Variants in CLIC5 observed in about 807,000 individuals in gnomAD.
CLIC5 encodes chloride intracellular channel protein 5.
Under a neutral mutation model 24.7 loss-of-function variants are expected in CLIC5, and 20 were observed. That is an observed-to-expected ratio of 0.81 (90% CI 0.57 to 1.18). CLIC5 has a LOEUF of 1.18. Ranked by LOEUF, CLIC5 falls within the 50% of genes most tolerant of loss-of-function variation. CLIC5 has a pLI of 0.00. For missense variants in CLIC5, 341 were observed against 326.1 expected (o/e 1.05, Z -0.35); for synonymous variants, 159 against 135.6 (o/e 1.17, Z -1.20).
At chr6:46,106,035 G>C in the CLIC5 span, among the ~76,000 whole-genome samples, 1 of 152,204 alleles carries the variant, frequency 6.6e-6, no homozygotes, top group African/African-American at 2.4e-5. Flanking sequence ...CAGCTTAGGG[G>C]CAATGTCTTT....
chr6:45,941,414 G>T, intron 4 of CLIC5, 133 bp downstream of exon 4: 1 of 717,306 alleles, frequency 1.4e-6, no homozygotes, highest in Non-Finnish European at 2.5e-6. Context: ...GGGGGTGGGG[G>T]CAAATAATAA....
At chr6:45,997,608 G>A (rs3777610) in intron 1 of CLIC5, among the ~76,000 whole-genome samples, 39,380 of 151,650 alleles carry the variant, frequency 0.26, 5,575 homozygotes, top group East Asian at 0.5. Flanking sequence ...CAATGAAGTA[G>A]GACGAATATC....
chr6:46,009,249 A>G (rs1213353530), intron 1 of CLIC5, among the ~76,000 whole-genome samples: 1 of 151,898 alleles, frequency 6.6e-6, no homozygotes, highest in African/African-American at 2.4e-5. Flanking sequence ...ATTTCTTTTT[A>G]CAGGGAAGAA....
rs1327956927 is a variant in CLIC5, at chr6:45,901,311, TAA to T, written c.*1775_*1776del. On this transcript the variant is annotated 3_prime_UTR_variant, in exon 6 of 6. Coordinates refer to ENST00000339561, the MANE Select transcript of CLIC5 (RefSeq NM_016929.5). ...CCTTTTCAAAGCTTTCTCAGGCTTA[TAA>T]AGTGTCCTACTGAGAAAGTTCCTCT... 6.6e-6 allele frequency: 1 copy of T among 152,188 alleles called. No individual in the cohort carries two copies. Among genetic ancestry groups the T allele is most frequent in the Non-Finnish European group, 1.5e-5 (1 of 68,012 alleles). 9.4% of individuals were successfully genotyped at this position (152,188 alleles called of 1,614,324 possible). A position where few individuals can be genotyped will look rare whatever the true frequency, so the allele number is the denominator to read the frequency against.
intron 1 of CLIC5, among the ~76,000 whole-genome samples, chr6:45,965,033 CT>C (rs1364245342): frequency 1.3e-5 from 2 of 152,160 alleles, no homozygotes; most frequent in Non-Finnish European, 2.9e-5. Context: ...AATATTATGC[CT>C]TGATGAAGAG....
Position 45,920,102 on chromosome 6 carries a change from C to A in CLIC5, c.407-5693G>T, listed in dbSNP as rs1763195932. On this transcript the variant is annotated intron_variant, in intron 4 of 5. Coordinates refer to ENST00000339561, the MANE Select transcript of CLIC5 (RefSeq NM_016929.5). ...CCCTGACAAAAGAGGATGGGGTTCC[C>A]CTCATGACTCCCCCATGCCTTACCT... 6 of 918,636 alleles carry A rather than the reference C, an allele frequency of 6.5e-6. No individual in the cohort carries two copies. The South Asian group carries it at 2.5e-4, about 39-fold the overall frequency. 56.9% of individuals were successfully genotyped at this position (918,636 alleles called of 1,614,324 possible).
intron 1 of CLIC5, among the ~76,000 whole-genome samples, chr6:45,971,532 A>G (rs907345344): frequency 3.3e-5 from 5 of 152,198 alleles, no homozygotes; most frequent in Non-Finnish European, 5.9e-5. Context: ...TTTAGAACAG[A>G]TGATGCTACG....
chr6:45,992,478 C>A (rs1471772636), intron 1 of CLIC5, among the ~76,000 whole-genome samples: 3 of 152,312 alleles, frequency 2.0e-5, no homozygotes, highest in Non-Finnish European at 2.9e-5. Context: ...CGGAGAGATT[C>A]TTTATTGAAG....
intron 1 of CLIC5, among the ~76,000 whole-genome samples, chr6:46,033,908 C>T (rs1184345261): frequency 6.6e-6 from 1 of 151,910 alleles, no homozygotes; most frequent in Non-Finnish European, 1.5e-5. Flanking sequence ...GAGTAGATGG[C>T]CAAAAAATGC....
At chr6:45,907,445 T>C (rs1015190676) in intron 5 of CLIC5, among the ~76,000 whole-genome samples, 1 of 152,200 alleles carries the variant, frequency 6.6e-6, no homozygotes. Context: ...TGTTGTGAAT[T>C]TTTTGTGTCT....
At chr6:45,937,205 T>G (rs908139337) in intron 4 of CLIC5, among the ~76,000 whole-genome samples, 4 of 152,182 alleles carry the variant, frequency 2.6e-5, no homozygotes, top group Non-Finnish European at 5.9e-5. Flanking sequence ...TTGGAAGAGC[T>G]AACTGAGGGG....
At chr6:46,068,096 T>C (rs1010126619) in intron 1 of CLIC5, among the ~76,000 whole-genome samples, 5 of 152,036 alleles carry the variant, frequency 3.3e-5, no homozygotes, top group Admixed American at 1.3e-4. Context: ...GAAGGCCATG[T>C]GATGAAGGAG....
At chr6:46,124,618 C>T in the CLIC5 span, among the ~76,000 whole-genome samples, 1 of 152,182 alleles carries the variant, frequency 6.6e-6, no homozygotes, top group Admixed American at 6.5e-5. Flanking sequence ...GCAAAAGAAA[C>T]TACCATCAGA....
intron 1 of CLIC5, among the ~76,000 whole-genome samples, chr6:46,000,941 T>C (rs933411972): frequency 2.6e-5 from 4 of 152,180 alleles, no homozygotes; most frequent in African/African-American, 9.7e-5. Flanking sequence ...GTCAACTAGG[T>C]GCATCTGATA....
downstream of CLIC5, among the ~76,000 whole-genome samples, chr6:45,897,988 G>A (rs527732227): frequency 2.6e-5 from 4 of 151,250 alleles, no homozygotes; most frequent in Non-Finnish European, 5.9e-5. Context: ...AAAAAAAATT[G>A]GTTTTAGGAT....
chr6:45,993,779 G>T, intron 1 of CLIC5, among the ~76,000 whole-genome samples: 1 of 152,178 alleles, frequency 6.6e-6, no homozygotes, highest in East Asian at 1.9e-4. Flanking sequence ...TAACAACTGT[G>T]ATTGGTTAGT....
At chr6:45,925,559 C>A (rs540434539) in intron 4 of CLIC5, among the ~76,000 whole-genome samples, 26 of 152,350 alleles carry the variant, frequency 1.7e-4, no homozygotes, top group African/African-American at 6.0e-4. Flanking sequence ...TCGTGATCCG[C>A]CTGCCCTGGC....
intron 3 of CLIC5, among the ~76,000 whole-genome samples, chr6:45,943,541 T>A (rs939887782): frequency 6.6e-6 from 1 of 152,238 alleles, no homozygotes; most frequent in Non-Finnish European, 1.5e-5. Flanking sequence ...GCTATTAGAA[T>A]CGATAGACTT....
the CLIC5 span, among the ~76,000 whole-genome samples, chr6:46,098,849 G>C: frequency 6.6e-6 from 1 of 152,192 alleles, no homozygotes; most frequent in Non-Finnish European, 1.5e-5. Context: ...GGTTTTAAGT[G>C]TGAACTGGAT....
Sources: gnomAD v4.1 joint callset for allele counts (sites outside exome capture counted in the v4.1 genomes callset) on GRCh38, gnomAD v4.1.1 for gene constraint, MANE v1.5 for transcripts, NCBI Gene and HGNC (gene_info 2026-07-23, HGNC 2026-07-21) for gene names.